The following VCL variants were observed in gnomAD, a reference collection of about 807,000 sequenced individuals.
VCL encodes vinculin.
Under a neutral mutation model 125.7 loss-of-function variants are expected in VCL, and 47 were observed. That is an observed-to-expected ratio of 0.37 (90% CI 0.30 to 0.48). VCL has a LOEUF of 0.48. VCL is among the 20% of genes least tolerant of loss of function. The pLI is 0.99. For synonymous variants in VCL, 458 were observed against 514.6 expected, an observed-to-expected ratio of 0.89 and a Z score of 1.49; for missense variants, 1,069 against 1,455.5, an observed-to-expected ratio of 0.73 and a Z score of 4.32.
chr10:74,058,893 G>C (rs1008935373), intron 2 of VCL, among the ~76,000 whole-genome samples: 1 of 151,252 alleles, frequency 6.6e-6, no homozygotes, highest in African/African-American at 2.4e-5. Flanking sequence ...CAGAAAGGGT[G>C]TGTGTGTGTG....
intron 1 of VCL, among the ~76,000 whole-genome samples, chr10:73,999,538 C>A (rs1840186062): frequency 6.6e-6 from 1 of 152,140 alleles, no homozygotes; most frequent in South Asian, 2.1e-4. Context: ...ATACTGCTCC[C>A]CCACTGAGCT....
rs748044427 is a variant in VCL, at chr10:74,095,752, G to A, written c.1640G>A (p.Arg547Gln). The change falls in exon 12 of 22, where the codon CGA (arginine) becomes CAA (glutamine). Residue 547 changes from arginine (R) to glutamine (Q), a missense_variant. By Grantham distance (43) the Arg-to-Gln change is conservative. Coordinates refer to ENST00000211998, the MANE Select transcript of VCL (RefSeq NM_014000.3). Reference sequence around the variant, plus strand: ...CAAGATCTTCTCGCCAAGTGTGACCGAGTGGACCAGCTGACAGCCCAGCTG... The same window carrying A: ...CAAGATCTTCTCGCCAAGTGTGACCAAGTGGACCAGCTGACAGCCCAGCTG... Reference protein sequence around the residue: ...YRQDLLAKCDRVDQLTAQLAD... With the variant: ...YRQDLLAKCDQVDQLTAQLAD... 31 of 1,614,224 alleles carry A rather than the reference G, an allele frequency of 1.9e-5. No homozygotes were observed. Among genetic ancestry groups the A allele is most frequent in the Middle Eastern group, 1.7e-4 (1 of 6,060 alleles).
At chr10:74,078,908 G>A (rs968268393) in intron 6 of VCL, among the ~76,000 whole-genome samples, 41 of 152,140 alleles carry the variant, frequency 2.7e-4, no homozygotes, top group African/African-American at 8.4e-4. Context: ...GGAGGGAGAA[G>A]GGAGAGTATG....
intron 7 of VCL, among the ~76,000 whole-genome samples, 197 bp downstream of exon 7, chr10:74,082,741 C>A (rs986377919): frequency 1.3e-5 from 2 of 152,214 alleles, no homozygotes; most frequent in African/African-American, 2.4e-5. Context: ...TAGATTCGAT[C>A]ACCTCTAATC....
intron 6 of VCL, chr10:74,076,780 G>A (rs1839592645): frequency 6.6e-6 from 1 of 152,616 alleles, no homozygotes; most frequent in Non-Finnish European, 1.5e-5. Flanking sequence ...AGTTCTCCAT[G>A]ACCTCATGTT....
chr10:74,041,673 C>T (rs1450954023), intron 1 of VCL, among the ~76,000 whole-genome samples: 2 of 151,066 alleles, frequency 1.3e-5, no homozygotes, highest in Admixed American at 1.3e-4. Context: ...GGGTGGATCA[C>T]TTGAGGTCAG....
chr10:74,019,688 T>C (rs1201411464), intron 1 of VCL, among the ~76,000 whole-genome samples: 1 of 152,186 alleles, frequency 6.6e-6, no homozygotes, highest in East Asian at 1.9e-4. Context: ...ATTCTAGAGA[T>C]AGACTCATTA....
chr10:74,103,789 C>T (rs370529257), intron 14 of VCL, 31 bp from the exon 15 acceptor site: 8 of 1,598,948 alleles, frequency 5.0e-6, no homozygotes, highest in Admixed American at 1.7e-5. Context: ...CAAGGGTGCT[C>T]TGGTGTTTAA....
At chr10:74,011,997 C>T (rs1840445335) in intron 1 of VCL, among the ~76,000 whole-genome samples, 1 of 152,232 alleles carries the variant, frequency 6.6e-6, no homozygotes, top group South Asian at 2.1e-4. Context: ...TTTCACTGCA[C>T]TTCTTACCAC....
rs763857475 is a variant in VCL at position 74,059,409 on chromosome 10, CTTT to C, written c.240-11250_240-11248del. 6.9e-5 allele frequency among the ~76,000 whole-genome samples: 10 copies of C among 144,840 alleles called. No individual in the cohort carries two copies. The South Asian group carries it at 2.2e-3, about 31-fold the overall frequency. ...ATCTCCTCCTGCTTTTGCACCCATA[CTTT>C]TTTTTTTTTTGAGACGGAGTCTCGC... On this transcript the variant is annotated intron_variant, in intron 2 of 21. Transcript: ENST00000211998.
intron 1 of VCL, among the ~76,000 whole-genome samples, chr10:74,038,901 A>ATT (rs879367001): frequency 6.8e-6 from 1 of 147,732 alleles, no homozygotes; most frequent in Admixed American, 6.8e-5. Context: ...TTTAGAAGTG[A>ATT]TTTTTTTTTT....
rs946868220 is a variant in VCL, at chr10:74,101,323, C to CA, written c.2022+239dup. 0.033 allele frequency among the ~76,000 whole-genome samples: 4,618 copies of CA among 139,138 alleles called. 151 individuals are homozygous for CA. The highest frequency in any genetic ancestry group is 0.084 in the African/African-American group (3,221 of 38,322). The allele number at this position is 139,138 out of a possible 152,430, so 91.3% of individuals were successfully genotyped here. The stretch of plus-strand genomic sequence containing the variant: ...CAATACAGCAAGACCCCGACTCTAC[C>CA]AAAAAAAAAAAAATTAGCTGGGTGT... On this transcript the variant is annotated intron_variant, in intron 14 of 21. Transcript: ENST00000211998.
At chr10:74,032,715 T>A (rs200649955) in intron 1 of VCL, among the ~76,000 whole-genome samples, 12,946 of 144,512 alleles carry the variant, frequency 0.09, 590 homozygotes, top group Non-Finnish European at 0.11. Flanking sequence ...AAAAAATATA[T>A]ATATATATAT....
chr10:74,104,866 G>A, intron 15 of VCL, 185 bp from the exon 16 acceptor site: 1 of 710,456 alleles, frequency 1.4e-6, no homozygotes, highest in Non-Finnish European at 2.3e-6. Context: ...TTTGGGCTAT[G>A]TCCTCACTGT....
In VCL at chr10:74,111,876, C is replaced by G. The variant is rs779321150; in HGVS notation, c.2746-33C>G. 2.5e-6 allele frequency: 4 copies of G among 1,613,316 alleles called. No individual in the cohort carries two copies. In the South Asian group the frequency reaches 4.4e-5, roughly 18 times the overall value. ...GTCGTATTGCTCTTACTAACACTAT[C>G]CCTATTTCTCATCCTTCCCGCCATC... On this transcript the variant is annotated intron_variant, in intron 18 of 21. Coordinates refer to ENST00000211998, the MANE Select transcript of VCL (RefSeq NM_014000.3).
chr10:74,059,474 G>A (rs1341400635), intron 2 of VCL, among the ~76,000 whole-genome samples: 1 of 150,972 alleles, frequency 6.6e-6, no homozygotes, highest in Admixed American at 6.6e-5. Context: ...GTGCCATCTT[G>A]GCTCATTGCA....
rs1420976245 is a variant in VCL, at chr10:74,082,562, C to T, written c.874+18C>T. On this transcript the variant is annotated intron_variant, in intron 7 of 21. Coordinates refer to ENST00000211998, the MANE Select transcript of VCL (RefSeq NM_014000.3). The stretch of plus-strand genomic sequence containing the variant: ...CTCCCCAGGTAACCCTCTAGTTCTG[C>T]TTTTCTGATCAATACAACGAGAAGC... 6 of 1,612,372 alleles carry T rather than the reference C, an allele frequency of 3.7e-6. No individual in the cohort carries two copies. The highest frequency in any genetic ancestry group is 5.1e-6 in the Non-Finnish European group (6 of 1,178,454).
At chr10:74,109,253 C>CCT in intron 18 of VCL, 97 bp downstream of exon 18, 4 of 1,458,192 alleles carry the variant, frequency 2.7e-6, no homozygotes, top group Non-Finnish European at 3.8e-6. Context: ...TTGGAGTCAC[C>CCT]CTCTCTCTCT....
intron 6 of VCL, chr10:74,076,695 A>C (rs1839591835): frequency 6.6e-6 from 1 of 152,622 alleles, no homozygotes; most frequent in East Asian, 1.9e-4. Flanking sequence ...AACAGAAGTG[A>C]AGTGTGTCTA....
Sources: allele counts gnomAD v4.1 joint callset (sites outside exome capture counted in the v4.1 genomes callset), GRCh38; gene constraint gnomAD v4.1.1; transcripts MANE v1.5; gene names NCBI Gene and HGNC (gene_info 2026-07-23, HGNC 2026-07-21).